Variants in KCNK2 observed in about 807,000 individuals in gnomAD.
KCNK2 encodes the protein potassium channel subfamily K member 2.
KCNK2 carries 21 observed loss-of-function variants against 40.5 expected under a neutral mutation model. The observed-to-expected ratio is 0.52, with a 90% CI of 0.37 to 0.75. KCNK2 has a LOEUF of 0.75. Among genes scored for constraint, KCNK2 ranks in the 30% least tolerant of loss-of-function variants. KCNK2 has a pLI of 0.00. For synonymous variants in KCNK2, 191 were observed against 202.2 expected (o/e 0.94, Z 0.47); for missense variants, 399 against 531.6 (o/e 0.75, Z 2.45).
At chr1:215,116,757 A>G (rs532776085) in intron 2 of KCNK2, among the ~76,000 whole-genome samples, 1 of 152,136 alleles carries the variant, frequency 6.6e-6, no homozygotes, top group African/African-American at 2.4e-5. Flanking sequence ...ATTAAATTTT[A>G]TTTTTATAAA....
chr1:215,231,345 A>G (rs1321100763), intron 6 of KCNK2, among the ~76,000 whole-genome samples: 1 of 152,188 alleles, frequency 6.6e-6, no homozygotes, highest in East Asian at 1.9e-4. Flanking sequence ...AATAGTAGGC[A>G]ATAAATATTA....
chr1:215,096,497 G>C (rs1224548318), intron 2 of KCNK2, among the ~76,000 whole-genome samples: 1 of 151,910 alleles, frequency 6.6e-6, no homozygotes, highest in Non-Finnish European at 1.5e-5. Context: ...AGGCAGCAAA[G>C]AATTTTCTAA....
chr1:215,022,561 C>T (rs568586842), intron 1 of KCNK2, among the ~76,000 whole-genome samples: 47 of 152,226 alleles, frequency 3.1e-4, no homozygotes, highest in African/African-American at 1.1e-3. Flanking sequence ...CATTACTATT[C>T]AAATGCTATC....
At chr1:215,179,436 T>G (rs1032743843) in intron 5 of KCNK2, among the ~76,000 whole-genome samples, 10 of 152,064 alleles carry the variant, frequency 6.6e-5, no homozygotes, top group African/African-American at 2.2e-4. Flanking sequence ...CTTCTTGTTT[T>G]TCTAGTTCCT....
At chr1:215,006,995 C>A (rs1311697195) in intron 1 of KCNK2, among the ~76,000 whole-genome samples, 1 of 55,530 alleles carries the variant, frequency 1.8e-5, no homozygotes, top group Non-Finnish European at 3.2e-5. Flanking sequence ...GGGACCAATT[C>A]ACTATATATA....
chr1:215,031,768 C>T (rs1458668493), intron 1 of KCNK2, among the ~76,000 whole-genome samples: 4 of 152,158 alleles, frequency 2.6e-5, no homozygotes, highest in Non-Finnish European at 5.9e-5. Context: ...TTATATTCTG[C>T]ATTCTTACTC....
At chr1:215,086,185 C>T (rs1571894937) in intron 1 of KCNK2, among the ~76,000 whole-genome samples, 183 bp from the exon 2 acceptor site, 1 of 152,158 alleles carries the variant, frequency 6.6e-6, no homozygotes, top group African/African-American at 2.4e-5. Flanking sequence ...ATCCAGCCCC[C>T]TTTCCTTGAA....
chr1:215,170,653 T>C (rs1487902274), intron 4 of KCNK2, among the ~76,000 whole-genome samples: 1 of 152,176 alleles, frequency 6.6e-6, no homozygotes, highest in East Asian at 1.9e-4. Flanking sequence ...CTCAAGCATT[T>C]TGTTCAACAT....
At chr1:215,148,780 C>A (rs1662555219) in intron 3 of KCNK2, among the ~76,000 whole-genome samples, 1 of 152,090 alleles carries the variant, frequency 6.6e-6, no homozygotes, top group East Asian at 1.9e-4. Flanking sequence ...AAGATCACAG[C>A]TGGTTGAAAG....
chr1:215,015,990 G>T (rs186188646), intron 1 of KCNK2, among the ~76,000 whole-genome samples: 2 of 152,206 alleles, frequency 1.3e-5, no homozygotes, highest in African/African-American at 4.8e-5. Context: ...CCTCTTTCTG[G>T]AGAAAAGCAT....
At position 215,083,428 on chromosome 1, in the gene KCNK2, G is replaced by A; in HGVS notation, c.43G>A (p.Gly15Arg). ...GCGGGAGAGACCCGGCTATAGAGCA[G>A]GAGGTGAGACCCCCCCTCCGGTACC... ...ASRERPGYRA[G>R]VAAPDLLDPK... is the part of the protein sequence containing the mutation. The change falls in exon 1 of 7, where the codon GGA (glycine) becomes AGA (arginine). Residue 15 changes from glycine to arginine, a missense_variant. Physicochemically the swap from Gly to Arg is moderately radical, Grantham distance 125. Coordinates refer to ENST00000444842, the MANE Select transcript of KCNK2 (RefSeq NM_001017425.3). The A allele has an allele frequency of 6.2e-7, 1 of 1,612,464 alleles. No homozygotes were observed. Among genetic ancestry groups the A allele is most frequent in the Non-Finnish European group, 8.5e-7 (1 of 1,178,774 alleles).
Position 215,142,680 on chromosome 1 carries a change from C to G in KCNK2, c.475+17930C>G, listed in dbSNP as rs1267712530. ...GTGAGCAGGCTCAGTAGTGGAATAG[C>G]ATAGTTATAGTTGGTTGCCAATGAG... On this transcript the variant is annotated intron_variant, in intron 3 of 6. Transcript: ENST00000444842. Among the ~76,000 whole-genome samples, 5 of 152,066 alleles carry G rather than the reference C, an allele frequency of 3.3e-5. No individual in the cohort carries two copies. The East Asian group carries it at 9.6e-4, about 29-fold the overall frequency.
chr1:215,007,184 G>GT (rs1656201261), intron 1 of KCNK2, among the ~76,000 whole-genome samples: 5 of 16,238 alleles, frequency 3.1e-4, no homozygotes, highest in African/African-American at 6.9e-4. Context: ...TATGTGTGTG[G>GT]GTATATATAT....
intron 6 of KCNK2, among the ~76,000 whole-genome samples, chr1:215,216,755 C>T (rs1281460509): frequency 1.3e-5 from 2 of 152,074 alleles, no homozygotes; most frequent in African/African-American, 4.8e-5. Context: ...CTATTTTATG[C>T]TCTTTTTTAA....
chr1:215,086,136 T>C (rs531027858), intron 1 of KCNK2, among the ~76,000 whole-genome samples: 6 of 152,148 alleles, frequency 3.9e-5, no homozygotes, highest in East Asian at 1.9e-4. Flanking sequence ...CCAGTTTTTT[T>C]CCTCTCATTT....
At chr1:215,137,071 T>G (rs1173547426) in intron 3 of KCNK2, among the ~76,000 whole-genome samples, 1 of 152,190 alleles carries the variant, frequency 6.6e-6, no homozygotes, top group African/African-American at 2.4e-5. Context: ...TAGATGATGG[T>G]TTCATCAGTG....
At chr1:215,152,065 C>T (rs1406938224) in intron 3 of KCNK2, among the ~76,000 whole-genome samples, 3 of 152,142 alleles carry the variant, frequency 2.0e-5, no homozygotes, top group East Asian at 1.9e-4. Flanking sequence ...ACTCCTTTAA[C>T]TCCTCACTCC....
At chr1:215,154,833 A>G (rs1161410014) in intron 3 of KCNK2, among the ~76,000 whole-genome samples, 1 of 152,154 alleles carries the variant, frequency 6.6e-6, no homozygotes, top group Non-Finnish European at 1.5e-5. Context: ...TCTATTGAAT[A>G]GGCGATCCTT....
chr1:215,154,303 G>A (rs10779648), intron 3 of KCNK2, among the ~76,000 whole-genome samples: 1 of 152,058 alleles, frequency 6.6e-6, no homozygotes, highest in South Asian at 2.1e-4. Context: ...GGCATGAGAT[G>A]GTATCTCACT....
Sources: gnomAD v4.1 joint callset for allele counts (sites outside exome capture counted in the v4.1 genomes callset) on GRCh38, gnomAD v4.1.1 for gene constraint, MANE v1.5 for transcripts, NCBI Gene and HGNC (gene_info 2026-07-23, HGNC 2026-07-21) for gene names.